Variants in SOX5 observed in about 807,000 individuals in gnomAD.
The protein encoded by SOX5 is transcription factor SOX-5.
In SOX5, 9 loss-of-function variants were observed where a neutral mutation model predicts 92.0. That is an observed-to-expected ratio of 0.10 (90% confidence interval 0.06 to 0.17). SOX5 has a LOEUF of 0.17. Ranked by LOEUF, SOX5 falls within the 10% of genes least tolerant of loss-of-function variation. The pLI is 1.00. For synonymous variants in SOX5, 344 were observed against 336.3 expected, an observed-to-expected ratio of 1.02 and a Z score of -0.25; for missense variants, 642 against 944.5, an observed-to-expected ratio of 0.68 and a Z score of 4.20.
chr12:23,901,648 TA>T (rs1164881481), intron 1 of SOX5, among the ~76,000 whole-genome samples: 1 of 152,222 alleles, frequency 6.6e-6, no homozygotes, highest in Non-Finnish European at 1.5e-5. Flanking sequence ...GCAGCCTTTA[TA>T]ATCACTTGAT....
At chr12:24,534,868 G>A (rs951155407) in intron 1 of SOX5, among the ~76,000 whole-genome samples, 8 of 152,338 alleles carry the variant, frequency 5.3e-5, no homozygotes, top group South Asian at 2.1e-4. Flanking sequence ...GAGGGGATGC[G>A]AGGGCTGGCC....
chr12:23,551,396 C>A (rs1345150151), intron 11 of SOX5, among the ~76,000 whole-genome samples: 1 of 151,802 alleles, frequency 6.6e-6, no homozygotes, highest in Admixed American at 6.6e-5. Context: ...ATTAATATCT[C>A]AATTTTTTTA....
chr12:24,289,810 A>G (rs1036429858), intron 2 of SOX5, among the ~76,000 whole-genome samples: 2 of 152,230 alleles, frequency 1.3e-5, no homozygotes, highest in African/African-American at 4.8e-5. Flanking sequence ...CCTGTAGAGC[A>G]AAAGGCAGGT....
At chr12:23,639,359 T>G (rs1019870762) in intron 8 of SOX5, among the ~76,000 whole-genome samples, 2 of 152,120 alleles carry the variant, frequency 1.3e-5, no homozygotes, top group African/African-American at 2.4e-5. Flanking sequence ...GCCTCTAACT[T>G]GCTCTCACTT....
At chr12:24,375,888 G>A (rs1030697613) in intron 1 of SOX5, among the ~76,000 whole-genome samples, 6 of 151,862 alleles carry the variant, frequency 4.0e-5, no homozygotes, top group African/African-American at 9.7e-5. Flanking sequence ...TACTCCAACC[G>A]CTTTTAAAAA....
intron 11 of SOX5, among the ~76,000 whole-genome samples, chr12:23,560,365 T>C (rs1331733261): frequency 6.6e-6 from 1 of 152,192 alleles, no homozygotes; most frequent in Non-Finnish European, 1.5e-5. Context: ...AATCCACATA[T>C]TTATTGGCCA....
chr12:23,762,183 C>A (rs1237751542), intron 3 of SOX5, among the ~76,000 whole-genome samples: 1 of 151,990 alleles, frequency 6.6e-6, no homozygotes, highest in Non-Finnish European at 1.5e-5. Flanking sequence ...CTTAACAGTC[C>A]CCTTAGTCAA....
chr12:24,547,398 A>C (rs1357433460), intron 1 of SOX5, among the ~76,000 whole-genome samples: 1 of 151,260 alleles, frequency 6.6e-6, no homozygotes, highest in Non-Finnish European at 1.5e-5. Context: ...TCACCTTGTT[A>C]GCCAGGATGG....
chr12:24,164,090 G>C (rs1299536995), intron 4 of SOX5, among the ~76,000 whole-genome samples: 1 of 152,022 alleles, frequency 6.6e-6, no homozygotes, highest in Non-Finnish European at 1.5e-5. Flanking sequence ...TATGGTCTCA[G>C]AGAATGATCT....
intron 1 of SOX5, among the ~76,000 whole-genome samples, chr12:23,948,639 G>C (rs996178957): frequency 4.7e-5 from 7 of 150,070 alleles, no homozygotes; most frequent in Non-Finnish European, 8.9e-5. Context: ...TACAAAGTTT[G>C]AATTCTTTTT....
At chr12:23,654,519 A>G (rs988668474) in intron 7 of SOX5, among the ~76,000 whole-genome samples, 6 of 152,120 alleles carry the variant, frequency 3.9e-5, no homozygotes, top group African/African-American at 1.4e-4. Flanking sequence ...ATTGTTTCAT[A>G]TCATTTTATA....
intron 4 of SOX5, among the ~76,000 whole-genome samples, chr12:23,970,809 C>G (rs1224035077): frequency 3.7e-5 from 2 of 53,758 alleles, no homozygotes; most frequent in Non-Finnish European, 7.4e-5. Flanking sequence ...AGTGGAATTG[C>G]TAGGTCACAT....
At chr12:23,938,352 C>G (rs1440996237) in intron 1 of SOX5, among the ~76,000 whole-genome samples, 1 of 150,948 alleles carries the variant, frequency 6.6e-6, no homozygotes, top group Non-Finnish European at 1.5e-5. Flanking sequence ...AATGCAAAAC[C>G]TCTTATGTTG....
intron 2 of SOX5, among the ~76,000 whole-genome samples, chr12:24,364,085 A>G (rs1955890503): frequency 6.6e-6 from 1 of 152,154 alleles, no homozygotes; most frequent in Non-Finnish European, 1.5e-5. Flanking sequence ...AAAAATCCCA[A>G]TCAGTGACCG....
chr12:24,176,970 G>A (rs921975956), intron 4 of SOX5, among the ~76,000 whole-genome samples: 1 of 56,866 alleles, frequency 1.8e-5, no homozygotes, highest in South Asian at 7.4e-4. Flanking sequence ...GTCAAGTTTT[G>A]TTTTTTGTTT....
intron 1 of SOX5, among the ~76,000 whole-genome samples, chr12:24,446,979 A>G (rs1237220613): frequency 1.3e-5 from 2 of 152,220 alleles, no homozygotes; most frequent in South Asian, 2.1e-4. Context: ...CTTGTATCAT[A>G]ATCCAAGGAT....
chr12:23,645,824 T>A (rs1241515195), intron 7 of SOX5, among the ~76,000 whole-genome samples: 1 of 152,218 alleles, frequency 6.6e-6, no homozygotes, highest in African/African-American at 2.4e-5. Flanking sequence ...TGTGTATAAA[T>A]GTATATATAC....
At chr12:23,763,652 C>A (rs11047088) in intron 3 of SOX5, among the ~76,000 whole-genome samples, 5,958 of 149,990 alleles carry the variant, frequency 0.04, 389 homozygotes, top group African/African-American at 0.14. Flanking sequence ...TTAATCTTTG[C>A]CTTTTTTTTT....
chr12:23,909,221 C>T (rs2097325224), intron 1 of SOX5, among the ~76,000 whole-genome samples: 2 of 152,166 alleles, frequency 1.3e-5, no homozygotes, highest in Non-Finnish European at 2.9e-5. Flanking sequence ...AAAAGTACGT[C>T]ATAGAGATAA....
Sources: allele counts gnomAD v4.1 joint callset (sites outside exome capture counted in the v4.1 genomes callset), GRCh38; gene constraint gnomAD v4.1.1; transcripts MANE v1.5; gene names NCBI Gene and HGNC (gene_info 2026-07-23, HGNC 2026-07-21).